The following DACT2 variants were observed in gnomAD, a reference collection of about 807,000 sequenced individuals.
The protein encoded by DACT2 is dapper homolog 2.
A neutral mutation model predicts 22.2 loss-of-function variants in DACT2; 20 were observed. That is an observed-to-expected ratio of 0.90 (90% CI 0.63 to 1.31). The LOEUF is 1.31. DACT2 is among the 50% of genes most tolerant of loss of function. The probability of loss-of-function intolerance (pLI) is 0.00; values close to 1 mark genes in which losing one functional copy is unlikely to be tolerated. For missense variants in DACT2, 1,048 were observed against 1,061.4 expected, an observed-to-expected ratio of 0.99 and a Z score of 0.18; for synonymous variants, 463 against 479.8, an observed-to-expected ratio of 0.96 and a Z score of 0.46.
chr6:168,301,159 G>C (rs1433980878), intron 3 of DACT2, among the ~76,000 whole-genome samples: 1 of 152,146 alleles, frequency 6.6e-6, no homozygotes, highest in African/African-American at 2.4e-5. Context: ...TCCGGAGGCC[G>C]AGCAGCCTGG....
In DACT2 at chr6:168,295,264, C is replaced by T. The variant is rs540104758; in HGVS notation, c.659-560G>A. Reference sequence around the variant, plus strand: ...ATACCAGTATTTTCTCAAATAGAATCGATAGTATAACCTTTGGCTGCTTAA... The same window carrying T: ...ATACCAGTATTTTCTCAAATAGAATTGATAGTATAACCTTTGGCTGCTTAA... On this transcript the variant is annotated intron_variant, in intron 3 of 5. Coordinates refer to the DACT2 transcript ENST00000366796. Among the ~76,000 whole-genome samples the T allele has an allele frequency of 3.9e-5, 6 of 152,298 alleles. No homozygotes were observed. The South Asian group carries it at 1.0e-3, about 26-fold the overall frequency.
At chr6:168,294,577 G>GTGTGTATATATATATATATA (rs1177617130) in intron 4 of DACT2, 2,413 of 123,486 alleles carry the variant, frequency 0.02, 27 homozygotes, top group Non-Finnish European at 0.025. Context: ...GTGTGTGTGT[G>GTGTGTATATATATATATATA]TATATATATA....
chr6:168,319,344 G>A (rs1433214274), intron 1 of DACT2, 44 bp downstream of exon 1: 46 of 1,189,062 alleles, frequency 3.9e-5, no homozygotes, highest in Non-Finnish European at 3.1e-6. Context: ...AGCGCCTGTG[G>A]CCCGCACACC....
exon 6 of DACT2, chr6:168,293,692 T>C: frequency 1.7e-6 from 1 of 585,864 alleles, no homozygotes; most frequent in Non-Finnish European, 3.1e-6. Context: ...ACTTTCCACG[T>C]AAAGGAAATT....
In DACT2 at chr6:168,311,323, A is replaced by T. The variant is rs202057771; in HGVS notation, c.247-39T>A. On this transcript the variant is annotated intron_variant, in intron 1 of 3. Transcript: ENST00000366795. ...GAAGAGAAAGGGAACTGTTGTACCT[A>T]TGGAAAGCAAAACTTAAGGCTCAAA... is the stretch of plus-strand genomic sequence containing the variant. 4.0e-5 allele frequency: 61 copies of T among 1,510,942 alleles called. No homozygotes were observed. In the Admixed American group the frequency reaches 9.9e-4, roughly 24 times the overall value. The allele number at this position is 1,510,942 out of a possible 1,614,324, so 93.6% of individuals were successfully genotyped here.
chr6:168,309,067 C>T lies in DACT2; in HGVS notation c.690G>A (p.Thr230=), dbSNP rs778831888. 7.8e-6 allele frequency: 12 copies of T among 1,535,806 alleles called. No individual in the cohort carries two copies. Among genetic ancestry groups the T allele is most frequent in the South Asian group, 3.6e-5 (3 of 83,692 alleles). ...CGTCCGCGCTGGCTTTCTGGAGCCC[C>T]GTGTCCGCCGGCAGGGCTCTGTCAA... ...GDLDRALPAD[T]GLQKASADAE... Residue 230 remains threonine, a synonymous_variant, in exon 4 of 4, where the codon ACG becomes ACA. Coordinates refer to ENST00000366795, the MANE Select transcript of DACT2 (RefSeq NM_214462.5).
chr6:168,309,195 C>G, intron 3 of DACT2, 97 bp from the exon 4 acceptor site: 1 of 1,432,582 alleles, frequency 7.0e-7, no homozygotes, highest in Non-Finnish European at 9.1e-7. Context: ...GGAAACGCTG[C>G]TCATTCACTG....
intron 1 of DACT2, among the ~76,000 whole-genome samples, chr6:168,314,011 C>T (rs1421562717): frequency 1.3e-5 from 2 of 152,026 alleles, no homozygotes; most frequent in Admixed American, 6.6e-5. Context: ...TAACCCCGAC[C>T]GCGCTTGTAA....
chr6:168,310,414 A>T lies in DACT2; in HGVS notation c.412T>A (p.Ser138Thr). The T allele has an allele frequency of 6.4e-7, 1 of 1,551,236 alleles. No homozygotes were observed. The highest frequency in any genetic ancestry group is 8.7e-7 in the Non-Finnish European group (1 of 1,146,806). ...FYEMSDGGSC[S>T]LSTSCASVCS... is the part of the protein sequence containing the mutation. Reference sequence around the variant, plus strand: ...ACGGAGGCACAGGACGTGGACAGGGAGCAGGATCCACCGTCGCTCATCTCG... The same window carrying T: ...ACGGAGGCACAGGACGTGGACAGGGTGCAGGATCCACCGTCGCTCATCTCG... Residue 138 changes from serine (S) to threonine (T), a missense_variant, in exon 3 of 4, where the codon TCC becomes ACC. Transcript: ENST00000366795.
rs897554937 is a variant in DACT2, at chr6:168,309,047, G to A, written c.710C>T (p.Ala237Val). The A allele has an allele frequency of 3.9e-6, 6 of 1,541,864 alleles. No individual in the cohort carries two copies. Among genetic ancestry groups the A allele is most frequent in the East Asian group, 2.4e-5 (1 of 40,896 alleles). ...GAGGAGCCCGAGGAGCTCGGCGTCC[G>A]CGCTGGCTTTCTGGAGCCCCGTGTC... ...PADTGLQKAS[A>V]DAELLGLLCQ... is the part of the protein sequence containing the mutation. The change falls in exon 4 of 4, where the codon GCG (alanine) becomes GTG (valine). Residue 237 changes from alanine (A) to valine (V), a missense_variant. Transcript: ENST00000366795.
At chr6:168,301,619 G>A (rs773898778) in intron 3 of DACT2, among the ~76,000 whole-genome samples, 1 of 152,198 alleles carries the variant, frequency 6.6e-6, no homozygotes, top group Non-Finnish European at 1.5e-5. Flanking sequence ...CAGAGAAGGC[G>A]AGATACGCCC....
At position 168,295,158 on chromosome 6, in the gene DACT2, G is replaced by A. The variant is rs556552428; in HGVS notation, c.659-454C>T. On this transcript the variant is annotated intron_variant, in intron 3 of 5. Transcript: ENST00000366796. ...AGCTGAGTGACAAGGCCCTCACCCCGACAGGATCTTCTGAGGATCAGGTGG... is the reference window on the plus strand; with the variant it reads ...AGCTGAGTGACAAGGCCCTCACCCCAACAGGATCTTCTGAGGATCAGGTGG... 4.6e-5 allele frequency among the ~76,000 whole-genome samples: 7 copies of A among 152,288 alleles called. No individual in the cohort carries two copies. The South Asian group carries it at 6.2e-4, about 14-fold the overall frequency.
At chr6:168,315,614 C>A (rs1419323444) in intron 1 of DACT2, among the ~76,000 whole-genome samples, 1 of 152,230 alleles carries the variant, frequency 6.6e-6, no homozygotes, top group African/African-American at 2.4e-5. Flanking sequence ...CTACTGCACT[C>A]TCTTGTGGCA....
In DACT2 at chr6:168,308,749, C is replaced by A; in HGVS notation, c.1008G>T (p.Arg336Ser). Residue 336 changes from arginine to serine, a missense_variant, in exon 4 of 4, where the codon AGG becomes AGT. Physicochemically the swap from Arg to Ser is moderately radical, Grantham distance 110 (BLOSUM62 -1). Coordinates refer to ENST00000366795, the MANE Select transcript of DACT2 (RefSeq NM_214462.5). The part of the protein sequence containing the change: ...GPARARAYID[R>S]LLHLWGRETP... The stretch of plus-strand genomic sequence containing the variant: ...TCTCCCGGCCCCACAGATGCAGCAA[C>A]CTGTCGATATAAGCTCTGGCCCTGG... The A allele has an allele frequency of 6.4e-7, 1 of 1,551,482 alleles. No individual in the cohort carries two copies. The highest frequency in any genetic ancestry group is 8.7e-7 in the Non-Finnish European group (1 of 1,147,036).
exon 6 of DACT2, chr6:168,293,789 G>C: frequency 1.4e-6 from 1 of 693,632 alleles, no homozygotes; most frequent in Admixed American, 2.0e-5. Flanking sequence ...GCGGGCAGAG[G>C]GGGGCCGATG....
In DACT2 at chr6:168,310,225, T is replaced by C; in HGVS notation, c.601A>G (p.Ser201Gly). The C allele has an allele frequency of 6.4e-7, 1 of 1,551,112 alleles. No individual in the cohort carries two copies. Among genetic ancestry groups the C allele is most frequent in the Non-Finnish European group, 8.7e-7 (1 of 1,146,998 alleles). ...ATEEGARPPG[S>G]VEDAGQPWGT... The stretch of plus-strand genomic sequence containing the variant: ...CACGGCTGGCCTGCATCCTCCACGC[T>C]CCCTGGGGGCCTGGCGCCCTCCTCG... The change falls in exon 3 of 4, where the codon AGC (serine) becomes GGC (glycine). Residue 201 changes from serine (S) to glycine (G), a missense_variant. Transcript: ENST00000366795.
At position 168,307,061 on chromosome 6, in the gene DACT2, T is replaced by G. The variant is rs1779225348; in HGVS notation, c.*371A>C. On this transcript the variant is annotated 3_prime_UTR_variant, in exon 4 of 4. Transcript: ENST00000366795. The surrounding 1 kb of genome is among the most constrained non-coding windows in gnomAD (Gnocchi z 5.3). Reference sequence around the variant, plus strand: ...TTAAAATGCTTTTGGGGAGGAATGGTCAAAGGATTGGGAAACACTTCCCCA... The same window carrying G: ...TTAAAATGCTTTTGGGGAGGAATGGGCAAAGGATTGGGAAACACTTCCCCA... 9.6e-7 allele frequency: 1 copy of G among 1,038,622 alleles called. No individual in the cohort carries two copies. Among genetic ancestry groups the G allele is most frequent in the African/African-American group, 1.7e-5 (1 of 58,898 alleles). The allele number at this position is 1,038,622 out of a possible 1,614,324, so 64.3% of individuals were successfully genotyped here. A position where few individuals can be genotyped will look rare whatever the true frequency, so the allele number is the denominator to read the frequency against.
At chr6:168,295,696 G>T (rs1229876136) in intron 3 of DACT2, among the ~76,000 whole-genome samples, 5 of 152,122 alleles carry the variant, frequency 3.3e-5, no homozygotes, top group Non-Finnish European at 5.9e-5. Context: ...CAATTCCATT[G>T]AAACCCAACA....
chr6:168,294,559 G>GTATA (rs1211054484), intron 4 of DACT2: 1 of 657,696 alleles, frequency 1.5e-6, no homozygotes, highest in Non-Finnish European at 2.0e-6. Context: ...GTGTGTGTGT[G>GTATA]TATGTGTGTG....
Sources: gnomAD v4.1 joint callset for allele counts (sites outside exome capture counted in the v4.1 genomes callset) on GRCh38, gnomAD v4.1.1 for gene constraint, Gnocchi (gnomAD v3.1) non-coding constraint, MANE v1.5 for transcripts, NCBI Gene and HGNC (gene_info 2026-07-23, HGNC 2026-07-21) for gene names.